The following HERPUD1 variants were observed in gnomAD, a reference collection of about 807,000 sequenced individuals.
HERPUD1 encodes homocysteine-responsive endoplasmic reticulum-resident ubiquitin-like domain member 1 protein.
A neutral mutation model predicts 45.0 loss-of-function variants in HERPUD1; 17 were observed. The observed-to-expected ratio is 0.38, with a 90% CI of 0.26 to 0.57. The LOEUF (loss-of-function observed/expected upper bound fraction) is 0.57. Among genes scored for constraint, HERPUD1 ranks in the 20% least tolerant of loss-of-function variants. The pLI, the probability that HERPUD1 is intolerant of heterozygous loss-of-function variation, is 0.72. For synonymous variants in HERPUD1, 164 were observed against 177.5 expected, an observed-to-expected ratio of 0.92 and a Z score of 0.61; for missense variants, 420 against 490.5, an observed-to-expected ratio of 0.86 and a Z score of 1.36.
chr16:56,940,647 AAGG>A (rs148926814), intron 6 of HERPUD1, among the ~76,000 whole-genome samples: 12,552 of 151,886 alleles, frequency 0.083, 661 homozygotes, highest in East Asian at 0.18. Context: ...GTTACTGTAG[AAGG>A]AGATGTGTTT....
intron 4 of HERPUD1, 175 bp downstream of exon 4, chr16:56,936,992 A>G (rs1596979173): frequency 1.9e-6 from 1 of 531,046 alleles, no homozygotes. Flanking sequence ...TTCTTAATAC[A>G]CAGCCTTTTA....
At chr16:56,935,359 A>AG in intron 2 of HERPUD1, 42 bp from the exon 3 acceptor site, 1 of 1,610,944 alleles carries the variant, frequency 6.2e-7, no homozygotes. Flanking sequence ...AGCACTCACC[A>AG]GGTTAGGTTC....
rs2055899674 is a variant in HERPUD1, at chr16:56,940,269, TAA to T, written c.905+26_905+27del. On this transcript the variant is annotated intron_variant, in intron 6 of 7. Coordinates refer to ENST00000439977, the MANE Select transcript of HERPUD1 (RefSeq NM_014685.4). ...CTGTAAGCAGATGGTTTCTCTAATATAAATTACACTACACTGTGTTCACACTA... is the reference window on the plus strand; with the variant it reads ...CTGTAAGCAGATGGTTTCTCTAATATATTACACTACACTGTGTTCACACTA... The T allele has an allele frequency of 2.0e-6, 3 of 1,497,320 alleles. No homozygotes were observed. In the African/African-American group the frequency reaches 4.1e-5, roughly 21 times the overall value. The allele number at this position is 1,497,320 out of a possible 1,614,324, so 92.8% of individuals were successfully genotyped here.
Position 56,944,277 on chromosome 16 carries a change from T to G in HERPUD1, c.*987T>G, listed in dbSNP as rs1160987421. 1 of 152,228 alleles carries G rather than the reference T, an allele frequency of 6.6e-6. No homozygotes were observed. The highest frequency in any genetic ancestry group is 1.5e-5 in the Non-Finnish European group (1 of 68,040). The allele number at this position is 152,228 out of a possible 1,614,324, so 9.4% of individuals were successfully genotyped here. A position where few individuals can be genotyped will look rare whatever the true frequency, so the allele number is the denominator to read the frequency against. On this transcript the variant is annotated 3_prime_UTR_variant, in exon 8 of 8. Transcript: ENST00000439977. ...TTTCCTGATTTAAACAGTACTGGCT[T>G]ATATAGGAACCCATCAAAGTTAAAT... is the stretch of plus-strand genomic sequence containing the variant.
At chr16:56,941,387 G>C (rs1168644284) in intron 6 of HERPUD1, 5 of 152,074 alleles carry the variant, frequency 3.3e-5, no homozygotes, top group Non-Finnish European at 7.4e-5. Context: ...GTCACATCTA[G>C]GGGAAGTGGT....
rs1426728130 is a variant in HERPUD1 at position 56,943,250 on chromosome 16, CCT to C, written c.1141_1142del (p.Leu381SerfsTer17). 6.2e-7 allele frequency: 1 copy of C among 1,614,166 alleles called. No individual in the cohort carries two copies. The highest frequency in any genetic ancestry group is 1.1e-5 in the South Asian group (1 of 91,090). ...TGGCTTGTCTTCAAGACTTTCTTTG[CCT>C]CTCTTCTTCCAGAAGGCCCCCCAGC... On this transcript the variant is annotated frameshift_variant, in exon 8 of 8. Transcript: ENST00000439977. LOFTEE classifies it high-confidence loss of function.
At chr16:56,939,550 G>A (rs1240389567) in intron 5 of HERPUD1, among the ~76,000 whole-genome samples, 191 bp downstream of exon 5, 1 of 152,236 alleles carries the variant, frequency 6.6e-6, no homozygotes, top group Non-Finnish European at 1.5e-5. Flanking sequence ...TGACACAAGG[G>A]TGCTTTTGTC....
rs2055892415 is a variant in HERPUD1, at chr16:56,939,432, G to A, written c.554+73G>A. Reference sequence around the variant, plus strand: ...GAAGGGAATTTTATCCATGTTACCTGTAAAGTTCAGAATGGAGGGATGAGT... The same window carrying A: ...GAAGGGAATTTTATCCATGTTACCTATAAAGTTCAGAATGGAGGGATGAGT... On this transcript the variant is annotated intron_variant, in intron 5 of 7. Transcript: ENST00000439977. The A allele has an allele frequency of 4.4e-6, 7 of 1,578,198 alleles. No individual in the cohort carries two copies. In the South Asian group the frequency reaches 5.6e-5, roughly 13 times the overall value.
chr16:56,939,136 C>T, intron 4 of HERPUD1, 101 bp from the exon 5 acceptor site: 1 of 1,337,236 alleles, frequency 7.5e-7, no homozygotes, highest in Non-Finnish European at 1.0e-6. Flanking sequence ...TTCCATTCTT[C>T]TGTCTCTTCG....
chr16:56,932,192 C>A lies in HERPUD1; in HGVS notation c.-53C>A, dbSNP rs2055829686. ...CAGAGATTGCGGGCGGCTGAGACGC[C>A]GCCTGCCTGGCACCTAGGAGCGCAG... On this transcript the variant is annotated 5_prime_UTR_variant, in exon 1 of 8. Coordinates refer to ENST00000439977, the MANE Select transcript of HERPUD1 (RefSeq NM_014685.4). 6 of 1,587,528 alleles carry A rather than the reference C, an allele frequency of 3.8e-6. No homozygotes were observed. The highest frequency in any genetic ancestry group is 5.1e-6 in the Non-Finnish European group (6 of 1,173,032).
Position 56,936,811 on chromosome 16 carries a change from T to A in HERPUD1, c.425T>A (p.Ile142Asn). The A allele has an allele frequency of 6.2e-7, 1 of 1,613,756 alleles. No individual in the cohort carries two copies. Among genetic ancestry groups the A allele is most frequent in the Non-Finnish European group, 8.5e-7 (1 of 1,179,740 alleles). ...CTTTCTTCCCCTGGATGGGAAAACA[T>A]CTCAAGGTGAGTGTTATAATAAAGA... Reference protein sequence around the residue: ...RNLSSPGWENISRPEAAQQAF... With the variant: ...RNLSSPGWENNSRPEAAQQAF... The change falls in exon 4 of 8, where the codon ATC becomes AAC. Residue 142 changes from isoleucine to asparagine, a missense_variant. Transcript: ENST00000439977.
intron 4 of HERPUD1, among the ~76,000 whole-genome samples, chr16:56,938,346 G>A (rs181387372): frequency 1.4e-3 from 216 of 152,180 alleles, no homozygotes; most frequent in Middle Eastern, 0.014. Flanking sequence ...GGCGGATCAC[G>A]AGGTCAGGAG....
rs145021723 is a variant in HERPUD1 at position 56,937,208 on chromosome 16, G to A, written c.431+391G>A. 2.4e-3 allele frequency: 371 copies of A among 155,714 alleles called. 1 individual carries two copies. Among genetic ancestry groups the A allele is most frequent in the African/African-American group, 8.4e-3 (350 of 41,616 alleles). The allele number at this position is 155,714 out of a possible 1,614,324, so 9.6% of individuals were successfully genotyped here. ...TTATTGTAACAATGGGTGACAACAA[G>A]GGAGAGACTGTTTAAGAAGTGTCCT... is the stretch of plus-strand genomic sequence containing the variant. On this transcript the variant is annotated intron_variant, in intron 4 of 7. Transcript: ENST00000439977.
At position 56,933,854 on chromosome 16, in the gene HERPUD1, C is replaced by G. The variant is rs145162829; in HGVS notation, c.148-1381C>G. Among the ~76,000 whole-genome samples, 458 of 152,284 alleles carry G rather than the reference C, an allele frequency of 3.0e-3. 1 individual carries two copies. Among genetic ancestry groups the G allele is most frequent in the Admixed American group, 6.3e-3 (96 of 15,302 alleles). ...GGCAGCTGTGGTTTTCCGGCCTTTT[C>G]TATTGGTTGAACTCTGTAATAAATG... On this transcript the variant is annotated intron_variant, in intron 1 of 7. Transcript: ENST00000439977.
Position 56,936,682 on chromosome 16 carries a change from T to C in HERPUD1, c.301-5T>C, listed in dbSNP as rs1485548865. 6.2e-7 allele frequency: 1 copy of C among 1,611,622 alleles called. No homozygotes were observed. The highest frequency in any genetic ancestry group is 8.5e-7 in the Non-Finnish European group (1 of 1,178,602). On this transcript the variant is annotated splice_polypyrimidine_tract_variant and splice_region_variant and intron_variant, in intron 3 of 7. Coordinates refer to ENST00000439977, the MANE Select transcript of HERPUD1 (RefSeq NM_014685.4). ...TTGTTCTGTGTTCATGTTACACTTA[T>C]TTAGGTGGCTGAATCCACAGAGGAG... is the stretch of plus-strand genomic sequence containing the variant.
At position 56,940,054 on chromosome 16, in the gene HERPUD1, TG is replaced by T. The variant is rs1156335672; in HGVS notation, c.716del (p.Gly239GlufsTer8). 6.2e-7 allele frequency: 1 copy of T among 1,614,144 alleles called. No homozygotes were observed. Among genetic ancestry groups the T allele is most frequent in the Non-Finnish European group, 8.5e-7 (1 of 1,180,060 alleles). ...CTGCTCCTCAAGTGGTTGTTAATCC[TG>T]GAGCCAATCAAAATTTGCGGATGAA... ...NAAPQVVVNP[G>X]ANQNLRMNAQ... On this transcript the variant is annotated frameshift_variant, in exon 6 of 8. Coordinates refer to ENST00000439977, the MANE Select transcript of HERPUD1 (RefSeq NM_014685.4). LOFTEE classifies it high-confidence loss of function.
chr16:56,940,618 T>C (rs2055902478), intron 6 of HERPUD1, among the ~76,000 whole-genome samples: 1 of 151,998 alleles, frequency 6.6e-6, no homozygotes, highest in Non-Finnish European at 1.5e-5. Context: ...CAGATTTTGC[T>C]CTTTTTTGAG....
In HERPUD1 at chr16:56,943,399, A is replaced by T; in HGVS notation, c.*109A>T. ...TGGCAATGATGAGTTTTTAAAAAAC[A>T]GTGTGGATGATGATATGCTTTTGTG... On this transcript the variant is annotated 3_prime_UTR_variant, in exon 8 of 8. Coordinates refer to ENST00000439977, the MANE Select transcript of HERPUD1 (RefSeq NM_014685.4). The T allele has an allele frequency of 1.6e-6, 2 of 1,234,304 alleles. No individual in the cohort carries two copies. The highest frequency in any genetic ancestry group is 2.4e-6 in the Non-Finnish European group (2 of 838,126). The allele number at this position is 1,234,304 out of a possible 1,614,324, so 76.5% of individuals were successfully genotyped here.
chr16:56,933,967 C>T (rs1272222216), intron 1 of HERPUD1, among the ~76,000 whole-genome samples: 2 of 152,168 alleles, frequency 1.3e-5, no homozygotes, highest in Admixed American at 6.5e-5. Flanking sequence ...GTCAGAAAAA[C>T]GGTGAACACA....
Sources: gnomAD v4.1 joint callset for allele counts (sites outside exome capture counted in the v4.1 genomes callset) on GRCh38, gnomAD v4.1.1 for gene constraint, MANE v1.5 for transcripts, NCBI Gene and HGNC (gene_info 2026-07-23, HGNC 2026-07-21) for gene names.